Variants in HERPUD2 observed in about 807,000 individuals in gnomAD.
The protein encoded by HERPUD2 is HERPUD family member 2, also known as homocysteine-responsive endoplasmic reticulum-resident ubiquitin-like domain member 2 protein.
In HERPUD2, 13 loss-of-function variants were observed where a neutral mutation model predicts 49.9. The ratio of observed to expected loss-of-function variants is 0.26; its 90% CI spans 0.17 to 0.41. The LOEUF (loss-of-function observed/expected upper bound fraction) is 0.41. HERPUD2 is among the 10% of genes least tolerant of loss of function. HERPUD2 has a pLI of 1.00. For synonymous variants in HERPUD2, 172 were observed against 171.4 expected (o/e 1.00, Z -0.03); for missense variants, 449 against 492.2 (o/e 0.91, Z 0.83).
Position 35,667,426 on chromosome 7 carries a change from T to C in HERPUD2, c.494+8A>G. 2 of 1,604,226 alleles carry C rather than the reference T, an allele frequency of 1.2e-6. No homozygotes were observed. Among genetic ancestry groups the C allele is most frequent in the Non-Finnish European group, 1.7e-6 (2 of 1,172,584 alleles). On this transcript the variant is annotated splice_region_variant and intron_variant, in intron 5 of 8. Transcript: ENST00000311350. ...ATCACATTCCATAGCTACCACAATT[T>C]CACTTACCCTTGCATTACATATGGA...
intron 5 of HERPUD2, among the ~76,000 whole-genome samples, chr7:35,640,753 C>G (rs1481118934): frequency 6.6e-6 from 1 of 151,948 alleles, no homozygotes; most frequent in East Asian, 1.9e-4. Flanking sequence ...GGAATAGATA[C>G]AATGAAACAC....
chr7:35,684,672 C>T (rs761652103), intron 2 of HERPUD2, among the ~76,000 whole-genome samples: 8 of 152,128 alleles, frequency 5.3e-5, no homozygotes, highest in Non-Finnish European at 1.0e-4. Flanking sequence ...TATGTTCTCA[C>T]TCATAAATGG....
At chr7:35,682,507 G>A (rs1055601391) in intron 2 of HERPUD2, among the ~76,000 whole-genome samples, 1 of 151,124 alleles carries the variant, frequency 6.6e-6, no homozygotes, top group Non-Finnish European at 1.5e-5. Flanking sequence ...ACTGGAACAA[G>A]ACAAGGATGT....
Position 35,681,106 on chromosome 7 carries a change from C to A in HERPUD2, c.148-7828G>T, listed in dbSNP as rs369086683. ...TTGCTGGTGCTAAATTTATCTGATT[C>A]ACTTCTACAAATGATACTGATATTA... is the stretch of plus-strand genomic sequence containing the variant. On this transcript the variant is annotated intron_variant, in intron 2 of 8. Coordinates refer to ENST00000311350, the MANE Select transcript of HERPUD2 (RefSeq NM_022373.5). Among the ~76,000 whole-genome samples the A allele has an allele frequency of 5.3e-5, 8 of 152,300 alleles. No individual in the cohort carries two copies. The East Asian group carries it at 1.5e-3, about 29-fold the overall frequency.
Position 35,634,447 on chromosome 7 carries a change from G to A in HERPUD2, c.942-18C>T, listed in dbSNP as rs1333293902. On this transcript the variant is annotated intron_variant, in intron 7 of 8. Coordinates refer to ENST00000311350, the MANE Select transcript of HERPUD2 (RefSeq NM_022373.5). ...CTTGGTGTCTGTTCAGTAAAATAAA[G>A]AGAAAATAAAATAAGTCACAGTTGT... 2 of 1,483,740 alleles carry A rather than the reference G, an allele frequency of 1.3e-6. No homozygotes were observed. 91.9% of individuals were successfully genotyped at this position (1,483,740 alleles called of 1,614,324 possible).
At chr7:35,672,837 T>A (rs1404403633) in intron 3 of HERPUD2, among the ~76,000 whole-genome samples, 1 of 152,046 alleles carries the variant, frequency 6.6e-6, no homozygotes, top group Non-Finnish European at 1.5e-5. Flanking sequence ...TATAAAAATA[T>A]CATGCAGCTG....
chr7:35,648,757 C>T lies in HERPUD2; in HGVS notation c.495-10285G>A, dbSNP rs192508390. On this transcript the variant is annotated intron_variant, in intron 5 of 8. Transcript: ENST00000311350. ...TCTAAAGAGAATGAGAAACTTGAAA[C>T]GGCCCTGAACTCAATCTACAATCCA... Among the ~76,000 whole-genome samples the T allele has an allele frequency of 5.9e-5, 9 of 152,258 alleles. No individual in the cohort carries two copies. The East Asian group carries it at 7.7e-4, about 13-fold the overall frequency.
chr7:35,642,933 T>C (rs1261257075), intron 5 of HERPUD2, among the ~76,000 whole-genome samples: 1 of 152,196 alleles, frequency 6.6e-6, no homozygotes, highest in Non-Finnish European at 1.5e-5. Context: ...GTAACAAATC[T>C]GACCGTGTAC....
intron 2 of HERPUD2, among the ~76,000 whole-genome samples, chr7:35,684,506 A>G (rs1400847882): frequency 2.7e-5 from 4 of 146,478 alleles, no homozygotes; most frequent in African/African-American, 1.0e-4. Context: ...ATGGATAAAG[A>G]AACTGTGAGA....
At chr7:35,634,465 A>G (rs756328003) in intron 7 of HERPUD2, 36 bp from the exon 8 acceptor site, 22 of 1,315,710 alleles carry the variant, frequency 1.7e-5, no homozygotes, top group Non-Finnish European at 2.0e-5. Context: ...AAAATAAGTC[A>G]CAGTTGTTTT....
intron 3 of HERPUD2, among the ~76,000 whole-genome samples, chr7:35,672,858 G>A (rs1408307772): frequency 6.6e-6 from 1 of 151,998 alleles, no homozygotes; most frequent in East Asian, 1.9e-4. Flanking sequence ...GCAAAAAGGA[G>A]ATTAAGAGGA....
At chr7:35,643,768 TG>T (rs1211447033) in intron 5 of HERPUD2, among the ~76,000 whole-genome samples, 2 of 151,078 alleles carry the variant, frequency 1.3e-5, no homozygotes, top group Admixed American at 1.3e-4. Context: ...GTTTTGACAC[TG>T]GAACACTAAT....
intron 5 of HERPUD2, among the ~76,000 whole-genome samples, chr7:35,659,117 G>C (rs1422671768): frequency 6.6e-6 from 1 of 152,192 alleles, no homozygotes; most frequent in Non-Finnish European, 1.5e-5. Flanking sequence ...TGAAAACAAA[G>C]AGCAGAGCTG....
chr7:35,636,693 G>C (rs1562666616), intron 6 of HERPUD2, among the ~76,000 whole-genome samples: 1 of 152,160 alleles, frequency 6.6e-6, no homozygotes, highest in Non-Finnish European at 1.5e-5. Context: ...GAGAGCCTTA[G>C]GATACGAGGT....
chr7:35,659,871 T>A (rs1785372604), intron 5 of HERPUD2, among the ~76,000 whole-genome samples: 1 of 152,106 alleles, frequency 6.6e-6, no homozygotes, highest in African/African-American at 2.4e-5. Flanking sequence ...TCATCTTTAT[T>A]TTTTTTATTC....
chr7:35,641,093 T>C, intron 5 of HERPUD2, among the ~76,000 whole-genome samples: 1 of 152,210 alleles, frequency 6.6e-6, no homozygotes, highest in East Asian at 1.9e-4. Context: ...CAATAAATTG[T>C]AGTTAATATG....
chr7:35,668,360 C>A (rs1025608037), intron 4 of HERPUD2, among the ~76,000 whole-genome samples: 2 of 152,072 alleles, frequency 1.3e-5, no homozygotes, highest in Non-Finnish European at 2.9e-5. Flanking sequence ...GATTCAGTAA[C>A]CATAAACAAT....
At chr7:35,689,072 G>GACA (rs1786128175) in intron 2 of HERPUD2, among the ~76,000 whole-genome samples, 1 of 151,998 alleles carries the variant, frequency 6.6e-6, no homozygotes, top group Admixed American at 6.6e-5. Flanking sequence ...AATCAAAGCA[G>GACA]AATTTATTAT....
At chr7:35,648,582 A>G (rs1164300622) in intron 5 of HERPUD2, among the ~76,000 whole-genome samples, 1 of 152,210 alleles carries the variant, frequency 6.6e-6, no homozygotes, top group African/African-American at 2.4e-5. Flanking sequence ...AATGCTGCTG[A>G]CCTGTTGAGA....
Sources: gnomAD v4.1 joint callset for allele counts (sites outside exome capture counted in the v4.1 genomes callset) on GRCh38, gnomAD v4.1.1 for gene constraint, MANE v1.5 for transcripts, NCBI Gene and HGNC (gene_info 2026-07-23, HGNC 2026-07-21) for gene names.